Variants in FAM136A observed in about 807,000 individuals in gnomAD.
The protein encoded by FAM136A is TIM double twin CX3C motif chaperone, also known as TIM double twin CX3C motif protein.
Under a neutral mutation model 21.6 loss-of-function variants are expected in FAM136A, and 25 were observed. The observed-to-expected ratio is 1.16, with a 90% CI of 0.84 to 1.62. FAM136A has a LOEUF of 1.62. Ranked by LOEUF, FAM136A falls within the 40% of genes most tolerant of loss-of-function variation. The probability of loss-of-function intolerance (pLI) is 0.00; values close to 1 mark genes in which losing one functional copy is unlikely to be tolerated. For missense variants in FAM136A, 338 were observed against 332.0 expected, an observed-to-expected ratio of 1.02 and a Z score of -0.14; for synonymous variants, 119 against 129.4, an observed-to-expected ratio of 0.92 and a Z score of 0.55.
chr2:70,300,617 G>A (rs191292362), intron 2 of FAM136A: 16 of 405,716 alleles, frequency 3.9e-5, no homozygotes, highest in Non-Finnish European at 6.2e-5. Flanking sequence ...GAGCCTCCGC[G>A]CTCGGCCTAC....
intron 2 of FAM136A, among the ~76,000 whole-genome samples, chr2:70,299,145 A>C (rs559710472): frequency 6.6e-6 from 1 of 152,352 alleles, no homozygotes; most frequent in South Asian, 2.1e-4. Flanking sequence ...GTAACTTTGA[A>C]GCGTTTTGAA....
chr2:70,301,207 G>T, intron 1 of FAM136A: 2 of 775,504 alleles, frequency 2.6e-6, no homozygotes, highest in Non-Finnish European at 4.0e-6. Context: ...TAGCTCATCG[G>T]CACCTGTTGC....
chr2:70,300,660 G>A (rs1697371496), intron 2 of FAM136A, 180 bp downstream of exon 2: 1 of 633,592 alleles, frequency 1.6e-6, no homozygotes, highest in Non-Finnish European at 2.7e-6. Flanking sequence ...TTCAACTTAA[G>A]GCACTCGACC....
Position 70,302,033 on chromosome 2 carries a change from G to A in FAM136A, c.-22C>T. The A allele has an allele frequency of 2.6e-6, 4 of 1,559,956 alleles. No individual in the cohort carries two copies. The East Asian group carries it at 9.6e-5, about 37-fold the overall frequency. On this transcript the variant is annotated 5_prime_UTR_variant, in exon 1 of 3. Coordinates refer to ENST00000430566, the MANE Select transcript of FAM136A (RefSeq NM_001329752.2). ...CCATGGCGACCCCGCGCTGCCCCGC[G>A]GCGCTCCGCGCCGGCGCCCATATGG...
At chr2:70,301,239 G>C in intron 1 of FAM136A, 1 of 898,254 alleles carries the variant, frequency 1.1e-6, no homozygotes, top group Non-Finnish European at 1.6e-6. Flanking sequence ...GGTGAACAGA[G>C]GTTCGCCCGA....
At chr2:70,301,511 G>A (rs771415846) in intron 1 of FAM136A, 93 bp downstream of exon 1, 1 of 1,535,936 alleles carries the variant, frequency 6.5e-7, no homozygotes, top group Non-Finnish European at 8.7e-7. Context: ...CGCAAGAGAA[G>A]CAGGCATGAC....
intron 2 of FAM136A, among the ~76,000 whole-genome samples, chr2:70,298,292 C>A (rs1472957546): frequency 3.3e-5 from 5 of 152,200 alleles, no homozygotes; most frequent in African/African-American, 1.2e-4. Context: ...GACGGGGTTT[C>A]TCCATGTTGG....
rs111667639 is a variant in FAM136A, at chr2:70,297,850, A to T, written c.550-373T>A. Among the ~76,000 whole-genome samples the T allele has an allele frequency of 1.6e-3, 241 of 151,888 alleles. 2 individuals are homozygous for T. The highest frequency in any genetic ancestry group is 5.6e-3 in the African/African-American group (230 of 41,414). On this transcript the variant is annotated intron_variant, in intron 2 of 2. Transcript: ENST00000430566. ...GAGATGGGATCTCCCTATGTTGCCC[A>T]GGCTGGTCTTGAACTCCTGGGCTCA...
chr2:70,297,734 C>T (rs549730802), intron 2 of FAM136A, among the ~76,000 whole-genome samples: 65 of 149,732 alleles, frequency 4.3e-4, no homozygotes, highest in African/African-American at 1.3e-3. Flanking sequence ...CCCAGGCTCA[C>T]GCTATCTTTC....
chr2:70,301,297 G>A (rs1697390551), intron 1 of FAM136A: 13 of 1,325,314 alleles, frequency 9.8e-6, no homozygotes, highest in Admixed American at 8.5e-5. Flanking sequence ...TGAAAACCAG[G>A]AGCCTCTTCC....
intron 2 of FAM136A, among the ~76,000 whole-genome samples, chr2:70,300,306 A>C (rs745595609): frequency 6.6e-6 from 1 of 151,508 alleles, no homozygotes; most frequent in Non-Finnish European, 1.5e-5. Flanking sequence ...TTGGTCATGA[A>C]CTCCCCTGGT....
chr2:70,300,817 GCT>G (rs1697374626), intron 2 of FAM136A, 21 bp downstream of exon 2: 2 of 1,588,340 alleles, frequency 1.3e-6, no homozygotes, highest in Non-Finnish European at 1.7e-6. Flanking sequence ...GGACTACAGT[GCT>G]CTGTCTAGGA....
rs760127313 is a variant in FAM136A at position 70,301,642 on chromosome 2, C to A, written c.370G>T (p.Ala124Ser). Residue 124 changes from alanine (A) to serine (S), a missense_variant, in exon 1 of 3, where the codon GCC becomes TCC. Coordinates refer to ENST00000430566, the MANE Select transcript of FAM136A (RefSeq NM_001329752.2). ...QVGSPWWQALAPPPSPLTRPL... is the reference protein window; with the variant it reads ...QVGSPWWQALSPPPSPLTRPL... Reference sequence around the variant, plus strand: ...CGCGTAAGAGGGGAAGGTGGTGGGGCGAGCGCCTGCCACCAGGGGCTTCCC... The same window carrying A: ...CGCGTAAGAGGGGAAGGTGGTGGGGAGAGCGCCTGCCACCAGGGGCTTCCC... 2 of 1,535,586 alleles carry A rather than the reference C, an allele frequency of 1.3e-6. No homozygotes were observed. Among genetic ancestry groups the A allele is most frequent in the Admixed American group, 3.9e-5 (2 of 50,978 alleles).
In FAM136A at chr2:70,301,820, C is replaced by A. The variant is rs764208825; in HGVS notation, c.192G>T (p.Gln64His). The A allele has an allele frequency of 4.3e-5, 67 of 1,548,666 alleles. No individual in the cohort carries two copies. Among genetic ancestry groups the A allele is most frequent in the Admixed American group, 9.9e-5 (5 of 50,716 alleles). The change falls in exon 1 of 3, where the codon CAG becomes CAT. Residue 64 changes from glutamine (Q) to histidine (H), a missense_variant. Gln to His is a conservative substitution (Grantham distance 24). Coordinates refer to ENST00000430566, the MANE Select transcript of FAM136A (RefSeq NM_001329752.2). ...GACCCCAGGGCCGCCCACACCCGGT[C>A]TGCGGGGACGCGGCTGCAGTGCAAG... Reference protein sequence around the residue: ...ATPCTAAASPQTGCGRPWGRR... With the variant: ...ATPCTAAASPHTGCGRPWGRR...
In FAM136A at chr2:70,301,738, C is replaced by A; in HGVS notation, c.274G>T (p.Val92Leu). 1 of 1,539,090 alleles carries A rather than the reference C, an allele frequency of 6.5e-7. No individual in the cohort carries two copies. Reference protein sequence around the residue: ...GSFGGSDEIRVPLPCARLFSA... With the variant: ...GSFGGSDEIRLPLPCARLFSA... The stretch of plus-strand genomic sequence containing the variant: ...AACAGCCTCGCGCACGGCAAGGGCA[C>A]ACGGATTTCATCCGATCCGCCAAAG... Residue 92 changes from valine (V) to leucine (L), a missense_variant, in exon 1 of 3, where the codon GTG (valine) becomes TTG (leucine). Val to Leu is a conservative substitution (Grantham distance 32, BLOSUM62 1). Transcript: ENST00000430566.
At chr2:70,298,770 G>C (rs1697319813) in intron 2 of FAM136A, among the ~76,000 whole-genome samples, 1 of 152,218 alleles carries the variant, frequency 6.6e-6, no homozygotes, top group South Asian at 2.1e-4. Context: ...GGGGAAGAGA[G>C]AGCAAAGGAG....
In FAM136A at chr2:70,301,618, G is replaced by C. The variant is rs1407902056; in HGVS notation, c.394C>G (p.Arg132Gly). The C allele has an allele frequency of 1.3e-6, 2 of 1,535,958 alleles. No homozygotes were observed. Among genetic ancestry groups the C allele is most frequent in the Non-Finnish European group, 1.7e-6 (2 of 1,146,790 alleles). ...ALAPPPSPLTRPLPQGLMFRC... is the reference protein window; with the variant it reads ...ALAPPPSPLTGPLPQGLMFRC... ...GGGCCGCTCACCTGCGGAAGGGGCCGCGTAAGAGGGGAAGGTGGTGGGGCG... is the reference window on the plus strand; with the variant it reads ...GGGCCGCTCACCTGCGGAAGGGGCCCCGTAAGAGGGGAAGGTGGTGGGGCG... The change falls in exon 1 of 3, where the codon CGG becomes GGG. Residue 132 changes from arginine (R) to glycine (G), a missense_variant. Arg to Gly is a moderately radical substitution (Grantham distance 125). Coordinates refer to ENST00000430566, the MANE Select transcript of FAM136A (RefSeq NM_001329752.2).
At chr2:70,300,709 T>C (rs1438492900) in intron 2 of FAM136A, 131 bp downstream of exon 2, 5 of 1,089,026 alleles carry the variant, frequency 4.6e-6, no homozygotes, top group South Asian at 2.1e-5. Flanking sequence ...CTGTGAAAAC[T>C]GGTTGGCCAT....
chr2:70,297,209 T>C lies in FAM136A; in HGVS notation c.*80A>G, dbSNP rs2104935022. ...CCTTCATTTCTTCATTCGTAAACTT[T>C]GCTTAAAAGACTAAAATTCCCAATT... On this transcript the variant is annotated 3_prime_UTR_variant, in exon 3 of 3. Transcript: ENST00000430566. 2 of 1,443,370 alleles carry C rather than the reference T, an allele frequency of 1.4e-6. No homozygotes were observed. The highest frequency in any genetic ancestry group is 4.4e-5 in the Admixed American group (2 of 45,706). 89.4% of individuals were successfully genotyped at this position (1,443,370 alleles called of 1,614,324 possible). A position where few individuals can be genotyped will look rare whatever the true frequency, so the allele number is the denominator to read the frequency against.
Sources: allele counts gnomAD v4.1 joint callset (sites outside exome capture counted in the v4.1 genomes callset), GRCh38; gene constraint gnomAD v4.1.1; transcripts MANE v1.5; gene names NCBI Gene and HGNC (gene_info 2026-07-23, HGNC 2026-07-21).